GRM8: variants seen among roughly 807,000 people sequenced by gnomAD.
The protein encoded by GRM8 is glutamate metabotropic receptor 8.
In GRM8, 47 loss-of-function variants were observed where a neutral mutation model predicts 87.2. That is an observed-to-expected ratio of 0.54 (90% CI 0.43 to 0.69). GRM8 has a LOEUF of 0.69. GRM8 is among the 30% of genes least tolerant of loss of function. The pLI, the probability that GRM8 is intolerant of heterozygous loss-of-function variation, is 0.00. For synonymous variants in GRM8, 396 were observed against 404.5 expected (o/e 0.98, Z 0.25); for missense variants, 1,019 against 1,139.2 (o/e 0.89, Z 1.52).
chr7:126,891,178 T>C (rs1196433867), intron 6 of GRM8, among the ~76,000 whole-genome samples: 1 of 152,080 alleles, frequency 6.6e-6, no homozygotes, highest in African/African-American at 2.4e-5. Flanking sequence ...ATTTGTCCTC[T>C]CCTTTAACAT....
chr7:126,875,392 A>T (rs1459435637), intron 6 of GRM8, among the ~76,000 whole-genome samples: 1 of 152,198 alleles, frequency 6.6e-6, no homozygotes, highest in South Asian at 2.1e-4. Context: ...AGAGTTTGGG[A>T]TACCCACAGA....
intron 3 of GRM8, among the ~76,000 whole-genome samples, chr7:126,936,295 G>A (rs536461248): frequency 6.6e-4 from 101 of 152,228 alleles, no homozygotes; most frequent in Non-Finnish European, 1.4e-3. Flanking sequence ...TGAGTAACAG[G>A]ACCTAGAGGA....
chr7:126,849,904 A>G (rs902572844), intron 6 of GRM8, among the ~76,000 whole-genome samples: 1 of 152,158 alleles, frequency 6.6e-6, no homozygotes, highest in African/African-American at 2.4e-5. Flanking sequence ...CTCCTGCACC[A>G]TAATGTCCCC....
intron 2 of GRM8, among the ~76,000 whole-genome samples, chr7:127,212,572 T>A (rs1000906909): frequency 6.6e-6 from 1 of 151,834 alleles, no homozygotes; most frequent in East Asian, 1.9e-4. Context: ...CGCCCGCCAC[T>A]ACGTCCGGCT....
intron 2 of GRM8, among the ~76,000 whole-genome samples, chr7:127,187,724 G>T (rs1315273510): frequency 2.6e-5 from 4 of 152,108 alleles, no homozygotes. Flanking sequence ...ATAGACCTTG[G>T]AGCCCATGGT....
At chr7:126,621,348 C>T (rs1383841299) in intron 7 of GRM8, among the ~76,000 whole-genome samples, 1 of 152,172 alleles carries the variant, frequency 6.6e-6, no homozygotes, top group East Asian at 1.9e-4. Flanking sequence ...GTATAATTTA[C>T]TCAACACTCA....
intron 3 of GRM8, among the ~76,000 whole-genome samples, chr7:127,032,984 A>C (rs1817518743): frequency 6.6e-6 from 1 of 150,902 alleles, no homozygotes; most frequent in Non-Finnish European, 1.5e-5. Flanking sequence ...GGATCTCCAG[A>C]AACTACCCTG....
chr7:126,969,100 A>T (rs954153690), intron 3 of GRM8, among the ~76,000 whole-genome samples: 1 of 152,228 alleles, frequency 6.6e-6, no homozygotes, highest in African/African-American at 2.4e-5. Context: ...TATTGCTAAA[A>T]ATGCAAAGAA....
At chr7:127,232,183 T>TTGTG (rs71529431) in intron 2 of GRM8, among the ~76,000 whole-genome samples, 12,194 of 129,158 alleles carry the variant, frequency 0.094, 648 homozygotes, top group Middle Eastern at 0.22. Flanking sequence ...TGTTTCTTCT[T>TTGTG]TGTGTGTGTG....
intron 6 of GRM8, among the ~76,000 whole-genome samples, chr7:126,895,637 A>G (rs917029502): frequency 2.3e-5 from 3 of 130,080 alleles, no homozygotes; most frequent in Non-Finnish European, 4.8e-5. Context: ...CTATAATTCA[A>G]TGTCATTGGA....
chr7:126,726,195 T>C (rs1812949110), intron 7 of GRM8, among the ~76,000 whole-genome samples: 1 of 151,356 alleles, frequency 6.6e-6, no homozygotes, highest in South Asian at 2.1e-4. Context: ...ATCCACTATA[T>C]CATGGTTATC....
chr7:126,897,899 T>G (rs1353749070), intron 6 of GRM8, among the ~76,000 whole-genome samples: 1 of 152,098 alleles, frequency 6.6e-6, no homozygotes, highest in Non-Finnish European at 1.5e-5. Context: ...CTGAGTAAAT[T>G]TCAGGAAGAA....
At chr7:126,515,328 A>T (rs1200036277) in intron 9 of GRM8, among the ~76,000 whole-genome samples, 1 of 152,172 alleles carries the variant, frequency 6.6e-6, no homozygotes, top group African/African-American at 2.4e-5. Context: ...AAGATTAAAC[A>T]CATTTTTAAA....
intron 3 of GRM8, among the ~76,000 whole-genome samples, chr7:126,954,855 TAAAC>T (rs984260286): frequency 6.6e-6 from 1 of 152,168 alleles, no homozygotes; most frequent in African/African-American, 2.4e-5. Context: ...AACAGGTTAA[TAAAC>T]AAAGTTTAGA....
At chr7:126,646,290 GGAAGGAAGGAAGGAAA>G (rs1803070325) in intron 7 of GRM8, among the ~76,000 whole-genome samples, 3 of 150,044 alleles carry the variant, frequency 2.0e-5, no homozygotes, top group African/African-American at 7.4e-5. Flanking sequence ...AAGGAAGGAA[GGAAGGAAGGAAGGAAA>G]GAAGGAAGGA....
intron 2 of GRM8, among the ~76,000 whole-genome samples, chr7:127,189,245 T>C (rs376780983): frequency 6.6e-6 from 1 of 152,348 alleles, no homozygotes; most frequent in East Asian, 1.9e-4. Flanking sequence ...TCTTAAACCC[T>C]GCTGCTGGTG....
At chr7:126,911,292 T>C (rs1225500351) in intron 3 of GRM8, among the ~76,000 whole-genome samples, 1 of 152,196 alleles carries the variant, frequency 6.6e-6, no homozygotes, top group Non-Finnish European at 1.5e-5. Flanking sequence ...GGGGCAATTT[T>C]AAGGTGAGAG....
At chr7:127,124,896 T>G (rs1049513712) in intron 2 of GRM8, among the ~76,000 whole-genome samples, 9 of 152,088 alleles carry the variant, frequency 5.9e-5, no homozygotes, top group African/African-American at 2.2e-4. Flanking sequence ...TACAAAACCA[T>G]AATTGGTGTA....
intron 7 of GRM8, among the ~76,000 whole-genome samples, chr7:126,701,415 C>T (rs1045191627): frequency 2.0e-5 from 3 of 152,276 alleles, no homozygotes; most frequent in South Asian, 2.1e-4. Context: ...AGGGCTCAGA[C>T]GCTTCTTATC....
Sources: gnomAD v4.1 joint callset for allele counts (sites outside exome capture counted in the v4.1 genomes callset) on GRCh38, gnomAD v4.1.1 for gene constraint, MANE v1.5 for transcripts, NCBI Gene and HGNC (gene_info 2026-07-23, HGNC 2026-07-21) for gene names.